The following SNUPN variants were observed in gnomAD, a reference collection of about 807,000 sequenced individuals.
SNUPN encodes snurportin 1, also known as snurportin-1.
A neutral mutation model predicts 39.2 loss-of-function variants in SNUPN; 31 were observed. The observed-to-expected ratio is 0.79, with a 90% CI of 0.59 to 1.07. The LOEUF (loss-of-function observed/expected upper bound fraction) is 1.07. Among genes scored for constraint, SNUPN ranks in the 50% least tolerant of loss-of-function variants. SNUPN has a pLI of 0.00. For missense variants in SNUPN, 382 were observed against 434.2 expected, an observed-to-expected ratio of 0.88 and a Z score of 1.07; for synonymous variants, 132 against 159.0, an observed-to-expected ratio of 0.83 and a Z score of 1.28.
chr15:75,623,503 G>A (rs1450034266), intron 1 of SNUPN, among the ~76,000 whole-genome samples: 1 of 151,400 alleles, frequency 6.6e-6, no homozygotes, highest in Non-Finnish European at 1.5e-5. Context: ...GGACTACAGT[G>A]GTGTGATCTC....
intron 1 of SNUPN, among the ~76,000 whole-genome samples, chr15:75,624,505 A>G (rs1031991909): frequency 6.7e-6 from 1 of 148,632 alleles, no homozygotes; most frequent in African/African-American, 2.4e-5. Flanking sequence ...CTAAAAAAAA[A>G]AAAAAAAATA....
intron 3 of SNUPN, among the ~76,000 whole-genome samples, chr15:75,612,795 C>T (rs1274765189): frequency 6.6e-6 from 1 of 152,026 alleles, no homozygotes; most frequent in Non-Finnish European, 1.5e-5. Context: ...AATGGCATCA[C>T]CACTCCGTTA....
intron 3 of SNUPN, among the ~76,000 whole-genome samples, chr15:75,610,326 G>T (rs1328434102): frequency 6.6e-6 from 1 of 151,702 alleles, no homozygotes; most frequent in Middle Eastern, 3.2e-3. Context: ...CTTGAACCTG[G>T]GAGGCAGAGG....
chr15:75,605,068 T>C (rs1333012863), intron 7 of SNUPN, 82 bp downstream of exon 7: 1 of 847,544 alleles, frequency 1.2e-6, no homozygotes, highest in Non-Finnish European at 2.0e-6. Flanking sequence ...GATCATTTCA[T>C]ACATAATGAT....
intron 1 of SNUPN, 65 bp from the exon 2 acceptor site, chr15:75,621,121 A>G (rs1175849820): frequency 1.9e-5 from 29 of 1,507,298 alleles, no homozygotes; most frequent in Non-Finnish European, 2.5e-5. Flanking sequence ...ACAGACAGTT[A>G]TGCAGTTATG....
intron 2 of SNUPN, among the ~76,000 whole-genome samples, chr15:75,619,429 C>CA (rs1419483262): frequency 6.6e-6 from 1 of 151,900 alleles, no homozygotes; most frequent in Non-Finnish European, 1.5e-5. Context: ...ATCAGTTGAG[C>CA]CTAGGAGTTC....
At chr15:75,611,544 G>A (rs1892782463) in intron 3 of SNUPN, among the ~76,000 whole-genome samples, 1 of 150,660 alleles carries the variant, frequency 6.6e-6, no homozygotes, top group South Asian at 2.2e-4. Flanking sequence ...GAGCCACCAC[G>A]CCCGGCTCAC....
At chr15:75,609,299 C>G (rs1892715513) in intron 5 of SNUPN, among the ~76,000 whole-genome samples, 1 of 148,794 alleles carries the variant, frequency 6.7e-6, no homozygotes, top group Non-Finnish European at 1.5e-5. Flanking sequence ...ACGCCATTCT[C>G]CTGCCTCAGC....
chr15:75,601,436 A>G (rs1487660178), intron 7 of SNUPN, among the ~76,000 whole-genome samples: 1 of 152,140 alleles, frequency 6.6e-6, no homozygotes, highest in African/African-American at 2.4e-5. Flanking sequence ...TTAGCCAGGC[A>G]TAGTGGCATG....
chr15:75,620,857 C>G (rs745329461), intron 2 of SNUPN, 37 bp downstream of exon 2: 2 of 1,594,036 alleles, frequency 1.3e-6, no homozygotes, highest in Admixed American at 3.4e-5. Context: ...TAGCTCCTAG[C>G]CCAGAGAAAG....
chr15:75,615,854 C>T (rs1017265601), intron 3 of SNUPN, among the ~76,000 whole-genome samples: 3 of 151,224 alleles, frequency 2.0e-5, no homozygotes, highest in Admixed American at 6.6e-5. Flanking sequence ...GTGATCCACC[C>T]GCCTTGGCCT....
chr15:75,622,603 G>T, intron 1 of SNUPN: 1 of 582,538 alleles, frequency 1.7e-6, no homozygotes, highest in Non-Finnish European at 2.2e-6. Flanking sequence ...GCACTGCTGG[G>T]CTGGCCCAGC....
intron 2 of SNUPN, among the ~76,000 whole-genome samples, chr15:75,619,007 T>C (rs747602703): frequency 1.5e-4 from 19 of 126,456 alleles, no homozygotes; most frequent in Non-Finnish European, 2.7e-4. Flanking sequence ...GTATATAGTA[T>C]ACTGCTACTT....
At chr15:75,623,888 T>C (rs1332634987) in intron 1 of SNUPN, among the ~76,000 whole-genome samples, 1 of 152,066 alleles carries the variant, frequency 6.6e-6, no homozygotes, top group Non-Finnish European at 1.5e-5. Context: ...TCTACTTTTC[T>C]GTACTTTTGT....
intron 1 of SNUPN, among the ~76,000 whole-genome samples, chr15:75,621,375 C>T (rs1454818236): frequency 1.3e-5 from 2 of 151,820 alleles, no homozygotes; most frequent in Non-Finnish European, 2.9e-5. Context: ...ATCCTCCCAC[C>T]TCAGCTTCCC....
intron 2 of SNUPN, among the ~76,000 whole-genome samples, chr15:75,620,590 T>C (rs1893041747): frequency 6.6e-6 from 1 of 152,162 alleles, no homozygotes; most frequent in Non-Finnish European, 1.5e-5. Context: ...GGGCGTGGCT[T>C]TCGCAAGTTC....
intron 2 of SNUPN, 90 bp downstream of exon 2, chr15:75,620,804 G>T: frequency 8.8e-7 from 1 of 1,141,272 alleles, no homozygotes; most frequent in Non-Finnish European, 1.3e-6. Flanking sequence ...TACTTTGAAG[G>T]GAGAGTCTGT....
chr15:75,602,199 C>T (rs950484975), intron 7 of SNUPN, among the ~76,000 whole-genome samples: 3 of 152,064 alleles, frequency 2.0e-5, no homozygotes, highest in African/African-American at 7.2e-5. Context: ...CAGAGCGAGA[C>T]TCCGTCTCTA....
chr15:75,618,818 G>GT (rs1892998796), intron 2 of SNUPN, among the ~76,000 whole-genome samples: 1 of 152,068 alleles, frequency 6.6e-6, no homozygotes, highest in Non-Finnish European at 1.5e-5. Flanking sequence ...CCTGAACATT[G>GT]TTTGTAATCA....
Sources: allele counts gnomAD v4.1 joint callset (sites outside exome capture counted in the v4.1 genomes callset), GRCh38; gene constraint gnomAD v4.1.1; transcripts MANE v1.5; gene names NCBI Gene and HGNC (gene_info 2026-07-23, HGNC 2026-07-21).